Variants in FAM185A observed in about 807,000 individuals in gnomAD.
FAM185A encodes the protein protein FAM185A.
Under a neutral mutation model 45.7 loss-of-function variants are expected in FAM185A, and 21 were observed. The ratio of observed to expected loss-of-function variants is 0.46; its 90% CI spans 0.33 to 0.66. FAM185A has a LOEUF of 0.66. FAM185A is among the 30% of genes least tolerant of loss of function. The pLI, the probability that FAM185A is intolerant of heterozygous loss-of-function variation, is 0.03. For synonymous variants in FAM185A, 117 were observed against 194.0 expected, an observed-to-expected ratio of 0.60 and a Z score of 3.30; for missense variants, 305 against 485.4, an observed-to-expected ratio of 0.63 and a Z score of 3.49.
rs1011852822 is a variant in FAM185A at position 102,755,718 on chromosome 7, G to C, written c.562-2136G>C. On this transcript the variant is annotated intron_variant, in intron 2 of 7. Coordinates refer to ENST00000413034, the MANE Select transcript of FAM185A (RefSeq NM_001145268.2). The stretch of plus-strand genomic sequence containing the variant: ...GGGGAAGGCAAGACTGGGATGTCTA[G>C]TTCACAGGAAGACCTACACCACTGT... 10 of 559,108 alleles carry C rather than the reference G, an allele frequency of 1.8e-5. No homozygotes were observed. The Admixed American group carries it at 2.4e-4, about 13-fold the overall frequency. The allele number at this position is 559,108 out of a possible 1,614,324, so 34.6% of individuals were successfully genotyped here.
intron 4 of FAM185A, among the ~76,000 whole-genome samples, chr7:102,767,538 TTCTCTTTCCACC>T (rs1228604784): frequency 4.0e-5 from 6 of 151,098 alleles, no homozygotes; most frequent in Non-Finnish European, 8.9e-5. Flanking sequence ...TCTATATTCC[TTCTCTTTCCACC>T]TCTGTGATAA....
chr7:102,764,808 T>A (rs1248763145), intron 4 of FAM185A, among the ~76,000 whole-genome samples: 2 of 151,630 alleles, frequency 1.3e-5, no homozygotes, highest in African/African-American at 4.9e-5. Flanking sequence ...CTTAAACTAA[T>A]TTTTTTCCAG....
intron 7 of FAM185A, among the ~76,000 whole-genome samples, chr7:102,792,484 AT>A (rs2129442700): frequency 2.0e-5 from 2 of 98,886 alleles, no homozygotes; most frequent in Admixed American, 2.4e-4. Context: ...TGGCTTCTCT[AT>A]TAGGTTTTAG....
At chr7:102,811,203 G>A (rs1274224213), downstream of FAM185A, among the ~76,000 whole-genome samples, 1 of 151,902 alleles carries the variant, frequency 6.6e-6, no homozygotes. Flanking sequence ...AAGCATAACA[G>A]CAGTCAACTA....
intron 6 of FAM185A, among the ~76,000 whole-genome samples, chr7:102,784,463 C>T (rs1434319499): frequency 6.6e-6 from 1 of 152,196 alleles, no homozygotes; most frequent in Non-Finnish European, 1.5e-5. Flanking sequence ...AATCCAGCAG[C>T]ACATCAAGAA....
chr7:102,835,273 G>A, the FAM185A span, among the ~76,000 whole-genome samples: 16 of 152,204 alleles, frequency 1.1e-4, no homozygotes, highest in African/African-American at 3.6e-4. Context: ...AGAAGGGGCA[G>A]CTTGTCAGGA....
intron 6 of FAM185A, among the ~76,000 whole-genome samples, chr7:102,779,237 CCCT>C (rs1429125698): frequency 6.6e-5 from 10 of 152,116 alleles, no homozygotes; most frequent in Non-Finnish European, 1.5e-4. Context: ...ACAACAAGAG[CCCT>C]CCTTTCTAAA....
chr7:102,771,765 C>T (rs192151459), intron 4 of FAM185A, among the ~76,000 whole-genome samples: 44 of 152,224 alleles, frequency 2.9e-4, no homozygotes, highest in African/African-American at 1.0e-3. Context: ...GAAGAATAAT[C>T]CTACTACTTT....
At position 102,749,370 on chromosome 7, in the gene FAM185A, C is replaced by A. The variant is rs1294526362; in HGVS notation, c.163C>A (p.Pro55Thr). 1 of 1,548,688 alleles carries A rather than the reference C, an allele frequency of 6.5e-7. No individual in the cohort carries two copies. Among genetic ancestry groups the A allele is most frequent in the Non-Finnish European group, 8.7e-7 (1 of 1,146,614 alleles). ...ERWPGSETEVPPPGPGRRTLK... is the reference protein window; with the variant it reads ...ERWPGSETEVTPPGPGRRTLK... Reference sequence around the variant, plus strand: ...CTGGCCCGGATCGGAGACTGAGGTCCCTCCGCCTGGCCCGGGGCGCCGAAC... The same window carrying A: ...CTGGCCCGGATCGGAGACTGAGGTCACTCCGCCTGGCCCGGGGCGCCGAAC... The change falls in exon 1 of 8, where the codon CCT becomes ACT. Residue 55 changes from proline (P) to threonine (T), a missense_variant. Pro to Thr is a conservative substitution (Grantham distance 38). Transcript: ENST00000413034.
chr7:102,777,928 C>CTA (rs1431240325), intron 6 of FAM185A, among the ~76,000 whole-genome samples: 5 of 149,532 alleles, frequency 3.3e-5, no homozygotes, highest in Non-Finnish European at 6.0e-5. Flanking sequence ...CATCTGAAAG[C>CTA]TAAATATGAA....
chr7:102,813,549 A>G (rs1797593220), downstream of FAM185A: 1 of 1,605,638 alleles, frequency 6.2e-7, no homozygotes, highest in Non-Finnish European at 8.5e-7. Flanking sequence ...AACAGTGCTT[A>G]GCATTAGCTA....
chr7:102,814,246 T>A, the FAM185A span: 5 of 152,084 alleles, frequency 3.3e-5, no homozygotes, highest in Non-Finnish European at 7.4e-5. Context: ...AGGAGATGAG[T>A]AATTGACCAC....
Position 102,775,791 on chromosome 7 carries a change from G to C in FAM185A, c.836-1462G>C, listed in dbSNP as rs1483709659. Among the ~76,000 whole-genome samples the C allele has an allele frequency of 2.0e-5, 3 of 151,744 alleles. No homozygotes were observed. In the East Asian group the frequency reaches 5.8e-4, roughly 29 times the overall value. ...TTTTAGCATAATGTAATTTTTACTT[G>C]GCTTCTTTTAGGATGCGGTAAGAGG... On this transcript the variant is annotated intron_variant, in intron 5 of 7. Coordinates refer to ENST00000413034, the MANE Select transcript of FAM185A (RefSeq NM_001145268.2).
chr7:102,813,548 T>C (rs1326134338), downstream of FAM185A: 2 of 1,604,846 alleles, frequency 1.2e-6, no homozygotes, highest in Non-Finnish European at 1.7e-6. Flanking sequence ...TAACAGTGCT[T>C]AGCATTAGCT....
intron 4 of FAM185A, among the ~76,000 whole-genome samples, chr7:102,763,671 T>G (rs1229904882): frequency 2.0e-5 from 3 of 152,240 alleles, no homozygotes; most frequent in Non-Finnish European, 2.9e-5. Context: ...GACTCCTTTT[T>G]GCTAGGTAAT....
chr7:102,831,706 C>G, the FAM185A span, among the ~76,000 whole-genome samples: 1 of 152,004 alleles, frequency 6.6e-6, no homozygotes, highest in African/African-American at 2.4e-5. Context: ...TTTTTTCCAG[C>G]TTTCTCTACT....
At chr7:102,842,482 C>T in the FAM185A span, among the ~76,000 whole-genome samples, 26 of 152,222 alleles carry the variant, frequency 1.7e-4, no homozygotes, top group Non-Finnish European at 3.2e-4. Context: ...TGGAGTCTAT[C>T]AACTGATGAG....
intron 7 of FAM185A, among the ~76,000 whole-genome samples, chr7:102,802,299 G>C (rs1268885494): frequency 1.3e-5 from 2 of 152,142 alleles, no homozygotes; most frequent in Admixed American, 1.3e-4. Flanking sequence ...GCCACAAAAT[G>C]AGCCTCAATA....
intron 7 of FAM185A, among the ~76,000 whole-genome samples, chr7:102,797,961 T>G (rs2129443530): frequency 6.6e-6 from 1 of 152,306 alleles, no homozygotes. Context: ...GCAAGTTACT[T>G]CCTGGAGCCC....
Sources: allele counts gnomAD v4.1 joint callset (sites outside exome capture counted in the v4.1 genomes callset), GRCh38; gene constraint gnomAD v4.1.1; transcripts MANE v1.5; gene names NCBI Gene and HGNC (gene_info 2026-07-23, HGNC 2026-07-21).